The following DLG2 variants were observed in gnomAD, a reference collection of about 807,000 sequenced individuals.
DLG2 encodes disks large homolog 2.
A neutral mutation model predicts 132.5 loss-of-function variants in DLG2; 45 were observed. The observed-to-expected ratio is 0.34, with a 90% confidence interval of 0.27 to 0.44. The LOEUF is 0.44. Among genes scored for constraint, DLG2 ranks in the 20% least tolerant of loss-of-function variants. The probability of loss-of-function intolerance (pLI) is 1.00; values close to 1 mark genes in which losing one functional copy is unlikely to be tolerated. For synonymous variants in DLG2, 424 were observed against 419.6 expected, an observed-to-expected ratio of 1.01 and a Z score of -0.13; for missense variants, 1,045 against 1,196.9, an observed-to-expected ratio of 0.87 and a Z score of 1.87.
intron 6 of DLG2, among the ~76,000 whole-genome samples, chr11:84,806,032 G>A (rs1036482378): frequency 3.3e-5 from 5 of 152,160 alleles, no homozygotes; most frequent in African/African-American, 1.2e-4. Context: ...TGAAAAACAC[G>A]ATAAATGAAA....
chr11:85,106,103 G>A (rs1031976732), intron 6 of DLG2, among the ~76,000 whole-genome samples: 3 of 151,894 alleles, frequency 2.0e-5, no homozygotes. Flanking sequence ...AGGCAGTCTG[G>A]GAGAGCATGC....
intron 8 of DLG2, among the ~76,000 whole-genome samples, chr11:84,182,447 C>T (rs552234443): frequency 3.0e-3 from 458 of 151,080 alleles, no homozygotes; most frequent in South Asian, 0.015. Flanking sequence ...AGGAGGATCA[C>T]GTGCCCAGGA....
chr11:83,747,750 T>C (rs1376122658), intron 18 of DLG2, among the ~76,000 whole-genome samples: 6 of 151,970 alleles, frequency 3.9e-5, no homozygotes, highest in African/African-American at 1.4e-4. Context: ...GTGCTGCAAG[T>C]ATAGATGTTT....
intron 11 of DLG2, among the ~76,000 whole-genome samples, chr11:84,032,244 G>A (rs2095718377): frequency 6.6e-6 from 1 of 152,148 alleles, no homozygotes; most frequent in Non-Finnish European, 1.5e-5. Flanking sequence ...GCTGAGGTAG[G>A]TAGAAAGCTA....
intron 6 of DLG2, among the ~76,000 whole-genome samples, chr11:84,710,882 G>T (rs1421969485): frequency 2.0e-5 from 3 of 150,904 alleles, no homozygotes; most frequent in African/African-American, 7.3e-5. Context: ...CATCATTCAG[G>T]ATGCTATTGT....
At chr11:84,511,784 T>C (rs1279586192) in intron 7 of DLG2, among the ~76,000 whole-genome samples, 4 of 152,132 alleles carry the variant, frequency 2.6e-5, no homozygotes, top group African/African-American at 9.7e-5. Flanking sequence ...TAAAACTCAT[T>C]TGGCATATAT....
At chr11:84,698,773 C>T (rs1370438566) in intron 6 of DLG2, among the ~76,000 whole-genome samples, 1 of 148,938 alleles carries the variant, frequency 6.7e-6, no homozygotes, top group Admixed American at 6.7e-5. Flanking sequence ...TATGAAAAGT[C>T]AACTGAATAT....
intron 9 of DLG2, among the ~76,000 whole-genome samples, chr11:84,126,643 T>C (rs1161691906): frequency 6.6e-6 from 1 of 152,214 alleles, no homozygotes; most frequent in Non-Finnish European, 1.5e-5. Flanking sequence ...TTTGTAAACG[T>C]ATGAAACTAT....
At chr11:83,970,501 C>T (rs2091122429) in intron 12 of DLG2, among the ~76,000 whole-genome samples, 1 of 152,118 alleles carries the variant, frequency 6.6e-6, no homozygotes, top group Non-Finnish European at 1.5e-5. Flanking sequence ...AGATTTCAGT[C>T]ACAGAACAGG....
At chr11:85,607,069 G>C (rs1364551602) in intron 2 of DLG2, among the ~76,000 whole-genome samples, 1 of 152,208 alleles carries the variant, frequency 6.6e-6, no homozygotes, top group Admixed American at 6.5e-5. Context: ...TCGCCAAGCA[G>C]TGAGATTATC....
At chr11:84,112,041 C>G (rs780498820) in intron 9 of DLG2, among the ~76,000 whole-genome samples, 2 of 151,742 alleles carry the variant, frequency 1.3e-5, no homozygotes, top group Non-Finnish European at 2.9e-5. Context: ...GAGACAGAGT[C>G]TCACTCTGTT....
chr11:85,277,634 A>T (rs181327509), intron 4 of DLG2, among the ~76,000 whole-genome samples: 11 of 152,258 alleles, frequency 7.2e-5, no homozygotes, highest in African/African-American at 2.6e-4. Flanking sequence ...TGAGTTACTC[A>T]CAGGCTTCCT....
chr11:85,078,614 T>C (rs1366312144), intron 6 of DLG2, among the ~76,000 whole-genome samples: 4 of 152,056 alleles, frequency 2.6e-5, no homozygotes, highest in Non-Finnish European at 4.4e-5. Flanking sequence ...CCTGTATTTT[T>C]ACAGCAGATT....
At chr11:84,373,252 A>AAAAAAAAAAC (rs1555532597) in intron 7 of DLG2, among the ~76,000 whole-genome samples, 1 of 79,576 alleles carries the variant, frequency 1.3e-5, no homozygotes, top group Non-Finnish European at 2.9e-5. Context: ...AAACAGTCAA[A>AAAAAAAAAAC]AAAAAAAAAA....
chr11:85,049,267 C>T (rs1399919246), intron 6 of DLG2, among the ~76,000 whole-genome samples: 1 of 151,912 alleles, frequency 6.6e-6, no homozygotes, highest in Non-Finnish European at 1.5e-5. Flanking sequence ...AGCTCATAAG[C>T]CCCCTTGGCA....
At chr11:85,067,703 A>T (rs2065137999) in intron 6 of DLG2, among the ~76,000 whole-genome samples, 1 of 151,942 alleles carries the variant, frequency 6.6e-6, no homozygotes, top group Non-Finnish European at 1.5e-5. Context: ...ATTCTACCAG[A>T]GGTACAAGGA....
At chr11:84,746,078 T>A (rs190505238) in intron 6 of DLG2, among the ~76,000 whole-genome samples, 12 of 152,128 alleles carry the variant, frequency 7.9e-5, no homozygotes, top group African/African-American at 2.9e-4. Context: ...GTTTCTACTC[T>A]CAGGGAGCTT....
intron 6 of DLG2, among the ~76,000 whole-genome samples, chr11:85,031,607 A>G (rs1367563285): frequency 6.6e-6 from 1 of 152,012 alleles, no homozygotes; most frequent in Non-Finnish European, 1.5e-5. Context: ...CCTTTTTTTA[A>G]TAATCATATT....
At chr11:83,841,840 T>C (rs1209352938) in intron 16 of DLG2, among the ~76,000 whole-genome samples, 2 of 152,188 alleles carry the variant, frequency 1.3e-5, no homozygotes, top group Non-Finnish European at 2.9e-5. Context: ...TATGTTGTGT[T>C]AGGCACTGTG....
Sources: allele counts gnomAD v4.1 joint callset (sites outside exome capture counted in the v4.1 genomes callset), GRCh38; gene constraint gnomAD v4.1.1; transcripts MANE v1.5; gene names NCBI Gene and HGNC (gene_info 2026-07-23, HGNC 2026-07-21).